The following EPRS1 variants were observed in gnomAD, a reference collection of about 807,000 sequenced individuals.
EPRS1 encodes bifunctional glutamate/proline--tRNA ligase.
A neutral mutation model predicts 188.3 loss-of-function variants in EPRS1; 107 were observed. The ratio of observed to expected loss-of-function variants is 0.57; its 90% CI spans 0.49 to 0.67. The LOEUF (loss-of-function observed/expected upper bound fraction) is 0.67. Among genes scored for constraint, EPRS1 ranks in the 30% least tolerant of loss-of-function variants. The pLI, the probability that EPRS1 is intolerant of heterozygous loss-of-function variation, is 0.00. For synonymous variants in EPRS1, 596 were observed against 593.1 expected (o/e 1.00, Z -0.07); for missense variants, 1,577 against 1,802.2 (o/e 0.88, Z 2.26).
At chr1:219,973,452 T>C in intron 28 of EPRS1, 54 bp from the exon 29 acceptor site, 4 of 1,254,936 alleles carry the variant, frequency 3.2e-6, no homozygotes, top group Non-Finnish European at 4.4e-6. Flanking sequence ...CAGTTGAATA[T>C]ACAGATGTAA....
Position 219,979,564 on chromosome 1 carries a change from C to T in EPRS1, c.3763G>A (p.Val1255Ile), listed in dbSNP as rs777090348. ...GQNFSKMFEI[V>I]FEDPKIPGEK... The stretch of plus-strand genomic sequence containing the variant: ...CCTGGTATCTTTGGATCTTCAAAAA[C>T]GATTTCAAACATTTTGGAAAAATTC... Residue 1255 changes from valine (V) to isoleucine (I), a missense_variant, in exon 27 of 32, where the codon GTT (valine) becomes ATT (isoleucine). Coordinates refer to ENST00000366923, the MANE Select transcript of EPRS1 (RefSeq NM_004446.3). 2.4e-5 allele frequency: 39 copies of T among 1,613,872 alleles called. 1 individual carries two copies. The highest frequency in any genetic ancestry group is 1.5e-4 in the African/African-American group (11 of 75,028).
intron 31 of EPRS1, 37 bp from the exon 32 acceptor site, chr1:219,968,993 T>C (rs771301856): frequency 6.2e-7 from 1 of 1,612,714 alleles, no homozygotes; most frequent in African/African-American, 1.3e-5. Context: ...CACTCATTTA[T>C]GCTGCAAATT....
At chr1:219,974,417 G>A (rs907439521) in intron 28 of EPRS1, among the ~76,000 whole-genome samples, 1 of 152,172 alleles carries the variant, frequency 6.6e-6, no homozygotes, top group Admixed American at 6.5e-5. Flanking sequence ...TATCCCGTAA[G>A]GGGATTAAAA....
chr1:219,984,157 C>T lies in EPRS1; in HGVS notation c.3090+49G>A, dbSNP rs375672593. 6.9e-6 allele frequency: 9 copies of T among 1,295,440 alleles called. No homozygotes were observed. The African/African-American group carries it at 1.3e-4, about 19-fold the overall frequency. The allele number at this position is 1,295,440 out of a possible 1,614,324, so 80.2% of individuals were successfully genotyped here. A position where few individuals can be genotyped will look rare whatever the true frequency, so the allele number is the denominator to read the frequency against. ...TATTTTAGAATCTGAACATAAAAAG[C>T]AGCCATTGACAGACTTAAAACATAA... On this transcript the variant is annotated intron_variant, in intron 21 of 31. Coordinates refer to ENST00000366923, the MANE Select transcript of EPRS1 (RefSeq NM_004446.3).
chr1:219,997,270 C>T lies in EPRS1; in HGVS notation c.2254G>A (p.Val752Ile), dbSNP rs1433372589. 1.2e-6 allele frequency: 2 copies of T among 1,613,744 alleles called. No individual in the cohort carries two copies. The highest frequency in any genetic ancestry group is 1.7e-6 in the Non-Finnish European group (2 of 1,179,778). The change falls in exon 18 of 32, where the codon GTC (valine) becomes ATC (isoleucine). Residue 752 changes from valine to isoleucine, a missense_variant. This residue lies in a region of EPRS1 where 1,278 missense variants were observed against 1,457.4 expected (regional missense o/e 0.88). Transcript: ENST00000366923. Reference protein sequence around the residue: ...NNCTTSEDSLVLYNRVAVQGD... With the variant: ...NNCTTSEDSLILYNRVAVQGD... ...TGAACAGCCACTCTATTGTAAAGGA[C>T]CAAGGAATCCTCAGATGTAGTACAA...
In EPRS1 at chr1:220,033,531, G is replaced by A. The variant is rs148725334; in HGVS notation, c.359C>T (p.Ala120Val). ...TAGGGTGGCCCAAACACATAAATCT[G>A]CTAAACTCAAGGAGTTTCCAACTAA... is the stretch of plus-strand genomic sequence containing the variant. ...TYLVGNSLSLADLCVWATLKG... is the reference protein window; with the variant it reads ...TYLVGNSLSLVDLCVWATLKG... Residue 120 changes from alanine to valine, a missense_variant, in exon 4 of 32, where the codon GCA becomes GTA. By Grantham distance (64) the Ala-to-Val change is moderately conservative. Coordinates refer to ENST00000366923, the MANE Select transcript of EPRS1 (RefSeq NM_004446.3). 2 of 1,611,582 alleles carry A rather than the reference G, an allele frequency of 1.2e-6. No individual in the cohort carries two copies. Among genetic ancestry groups the A allele is most frequent in the Non-Finnish European group, 1.7e-6 (2 of 1,178,440 alleles).
chr1:220,033,362 G>A, intron 4 of EPRS1, 140 bp downstream of exon 4: 1 of 534,250 alleles, frequency 1.9e-6, no homozygotes, highest in Non-Finnish European at 3.2e-6. Context: ...TCATTCCCCT[G>A]TAATAAAGTC....
chr1:219,970,422 T>TG (rs36065087), intron 30 of EPRS1, among the ~76,000 whole-genome samples: 133 of 44,036 alleles, frequency 3.0e-3, no homozygotes, highest in African/African-American at 0.028. Context: ...AAATCGTAAA[T>TG]AAAGTGAAAG....
Position 219,987,148 on chromosome 1 carries a change from T to C in EPRS1, c.3032A>G (p.Gln1011Arg). The change falls in exon 20 of 32, where the codon CAG becomes CGG. Residue 1011 changes from glutamine to arginine, a missense_variant. Around this residue, in one of 3 missense-constraint regions of EPRS1, gnomAD observed 1,278 missense variants for 1,457.4 expected, o/e 0.88. Coordinates refer to ENST00000366923, the MANE Select transcript of EPRS1 (RefSeq NM_004446.3). ...GAGEGQGPKK[Q>R]TRLGLEAKKE... ...AGTTTCTGCGATTCATTACCTGGTC[T>C]GTTTCTTAGGCCCCTGCCCTTCTCC... 1 of 1,605,022 alleles carries C rather than the reference T, an allele frequency of 6.2e-7. No homozygotes were observed. The highest frequency in any genetic ancestry group is 1.7e-5 in the Admixed American group (1 of 57,766).
intron 14 of EPRS1, 36 bp downstream of exon 14, chr1:220,007,166 C>A: frequency 1.3e-6 from 2 of 1,553,234 alleles, no homozygotes; most frequent in South Asian, 2.3e-5. Flanking sequence ...ATACTTTTCT[C>A]CTATGTTTAT....
intron 5 of EPRS1, among the ~76,000 whole-genome samples, chr1:220,031,726 T>A (rs1257902361): frequency 6.6e-6 from 1 of 152,200 alleles, no homozygotes; most frequent in African/African-American, 2.4e-5. Context: ...TATGTCACAT[T>A]TTCCTACAGA....
intron 2 of EPRS1, among the ~76,000 whole-genome samples, chr1:220,038,080 A>ATATTT (rs1662221672): frequency 8.3e-6 from 1 of 120,772 alleles, no homozygotes. Context: ...TTTCAGCTTT[A>ATATTT]TCTTTTTTTT....
At chr1:219,979,134 C>T (rs1384723340) in intron 27 of EPRS1, among the ~76,000 whole-genome samples, 3 of 152,138 alleles carry the variant, frequency 2.0e-5, no homozygotes, top group East Asian at 1.9e-4. Context: ...GGATTACAGG[C>T]GTGAGCCTGC....
intron 5 of EPRS1, among the ~76,000 whole-genome samples, chr1:220,031,076 G>A (rs541106707): frequency 6.2e-5 from 8 of 128,090 alleles, no homozygotes; most frequent in Admixed American, 6.1e-4. Flanking sequence ...TGGGTGACGA[G>A]CAAAACTCTG....
intron 9 of EPRS1, among the ~76,000 whole-genome samples, chr1:220,020,601 G>T (rs1359145174): frequency 6.7e-6 from 1 of 150,096 alleles, no homozygotes; most frequent in Non-Finnish European, 1.5e-5. Flanking sequence ...TTGAGACGGA[G>T]TCTCACTCTG....
intron 17 of EPRS1, among the ~76,000 whole-genome samples, chr1:219,998,148 T>A (rs527765591): frequency 6.6e-6 from 1 of 152,202 alleles, no homozygotes; most frequent in Admixed American, 6.5e-5. Context: ...TTTTAAATGA[T>A]CTGCCACTTA....
rs780496184 is a variant in EPRS1, at chr1:219,980,795, C to T, written c.3516G>A (p.Gly1172=). 1 of 1,613,366 alleles carries T rather than the reference C, an allele frequency of 6.2e-7. No homozygotes were observed. The highest frequency in any genetic ancestry group is 1.1e-5 in the South Asian group (1 of 90,898). The change falls in exon 25 of 32, where the codon GGG becomes GGA. Residue 1172 remains glycine (G), a synonymous_variant. Transcript: ENST00000366923. The part of the protein sequence containing the change: ...LRTREFLWQE[G]HSAFATMEEA... ...CTTCCATGGTAGCAAAAGCACTGTG[C>T]CCTTCCTGCCAAAGAAATTCACGAG...
chr1:220,031,684 T>C (rs1377574739), intron 5 of EPRS1, among the ~76,000 whole-genome samples: 1 of 152,214 alleles, frequency 6.6e-6, no homozygotes, highest in African/African-American at 2.4e-5. Flanking sequence ...GGAGCAACTC[T>C]GGTAGAGAAA....
chr1:219,969,106 A>G lies in EPRS1; in HGVS notation c.4340T>C (p.Phe1447Ser). 1 of 1,609,832 alleles carries G rather than the reference A, an allele frequency of 6.2e-7. No homozygotes were observed. Among genetic ancestry groups the G allele is most frequent in the Non-Finnish European group, 8.5e-7 (1 of 1,176,216 alleles). ...GTCCTCACAGTCAATTTCCCCACAG[A>G]ATGGAATCTGAACAATCTAATTAAG... ...LDSGKIVQIP[F>S]CGEIDCEDWI... The change falls in exon 31 of 32, where the codon TTC becomes TCC. Residue 1447 changes from phenylalanine (F) to serine (S), a missense_variant. Physicochemically the swap from Phe to Ser is radical, Grantham distance 155. Transcript: ENST00000366923.
Sources: allele counts gnomAD v4.1 joint callset (sites outside exome capture counted in the v4.1 genomes callset), GRCh38; gene constraint gnomAD v4.1.1; regional missense constraint gnomAD v4.1.1; transcripts MANE v1.5; gene names NCBI Gene and HGNC (gene_info 2026-07-23, HGNC 2026-07-21).